The following NFATC1 variants were observed in gnomAD, a reference collection of about 807,000 sequenced individuals.
NFATC1 encodes the protein nuclear factor of activated T-cells, cytoplasmic 1.
In NFATC1, 22 loss-of-function variants were observed where a neutral mutation model predicts 76.0. The observed-to-expected ratio is 0.29, with a 90% CI of 0.21 to 0.41. NFATC1 has a LOEUF of 0.41. NFATC1 is among the 10% of genes least tolerant of loss of function. The probability of loss-of-function intolerance (pLI) is 1.00; values close to 1 mark genes in which losing one functional copy is unlikely to be tolerated. For synonymous variants in NFATC1, 704 were observed against 613.1 expected, an observed-to-expected ratio of 1.15 and a Z score of -2.19; for missense variants, 1,357 against 1,337.7, an observed-to-expected ratio of 1.01 and a Z score of -0.23.
rs578259722 is a variant in NFATC1 at position 79,441,529 on chromosome 18, G to A, written c.1387-7253G>A. ...CAGGCCACCCTGCCAGCTCCTTGAT[G>A]TGTCTCCCTGAGATCAGCCAGGGCA... On this transcript the variant is annotated intron_variant, in intron 3 of 9. Coordinates refer to ENST00000427363, the MANE Select transcript of NFATC1 (RefSeq NM_001278669.2). 6.1e-4 allele frequency among the ~76,000 whole-genome samples: 93 copies of A among 152,308 alleles called. 2 individuals carry two copies. The South Asian group carries it at 0.011, about 18-fold the overall frequency.
At chr18:79,404,137 T>G (rs2085356596) in intron 1 of NFATC1, among the ~76,000 whole-genome samples, 1 of 152,232 alleles carries the variant, frequency 6.6e-6, no homozygotes, top group Non-Finnish European at 1.5e-5. Flanking sequence ...TCAAAAAGGA[T>G]GCTTTAAAAT....
At chr18:79,443,761 C>G (rs1019677486) in intron 3 of NFATC1, among the ~76,000 whole-genome samples, 1 of 152,198 alleles carries the variant, frequency 6.6e-6, no homozygotes, top group Non-Finnish European at 1.5e-5. Flanking sequence ...TAGCCCTGGG[C>G]GGGTGTCCCG....
intron 9 of NFATC1, among the ~76,000 whole-genome samples, chr18:79,502,845 A>C (rs2090042741): frequency 6.6e-6 from 1 of 152,242 alleles, no homozygotes; most frequent in Non-Finnish European, 1.5e-5. Context: ...GACGAGGAGA[A>C]ATTGGGCCCC....
chr18:79,473,938 CATT>C (rs1248097028), intron 8 of NFATC1, among the ~76,000 whole-genome samples: 7 of 145,524 alleles, frequency 4.8e-5, no homozygotes, highest in African/African-American at 1.5e-4. Context: ...TCACTGTCGA[CATT>C]GTAAACCTGA....
At chr18:79,502,536 A>G (rs1011531533) in intron 9 of NFATC1, among the ~76,000 whole-genome samples, 1 of 152,266 alleles carries the variant, frequency 6.6e-6, no homozygotes, top group Admixed American at 6.5e-5. Flanking sequence ...AAATGAAAAG[A>G]TAAGCAATAG....
At chr18:79,464,678 A>ATACACACATG (rs1568994582) in intron 7 of NFATC1, among the ~76,000 whole-genome samples, 1 of 77,072 alleles carries the variant, frequency 1.3e-5, no homozygotes, top group African/African-American at 5.1e-5. Context: ...GTGTATATGT[A>ATACACACATG]TGTGTATATA....
At chr18:79,403,052 G>A (rs1306372776) in intron 1 of NFATC1, among the ~76,000 whole-genome samples, 1 of 152,252 alleles carries the variant, frequency 6.6e-6, no homozygotes, top group Non-Finnish European at 1.5e-5. Flanking sequence ...TCTGTCAGCC[G>A]GATCCCCTGA....
At chr18:79,422,982 G>A (rs1014112581) in intron 2 of NFATC1, among the ~76,000 whole-genome samples, 9 of 151,756 alleles carry the variant, frequency 5.9e-5, no homozygotes, top group Non-Finnish European at 7.4e-5. Flanking sequence ...CCCATCCGGG[G>A]CAGGGCAGGG....
At chr18:79,401,661 G>A (rs939267525) in intron 1 of NFATC1, among the ~76,000 whole-genome samples, 9 of 152,338 alleles carry the variant, frequency 5.9e-5, no homozygotes, top group Admixed American at 3.3e-4. Context: ...CGAGAGTGTC[G>A]CCCCACTCCC....
chr18:79,501,338 CA>C (rs1257159044), intron 9 of NFATC1, among the ~76,000 whole-genome samples: 1 of 152,070 alleles, frequency 6.6e-6, no homozygotes, highest in Non-Finnish European at 1.5e-5. Context: ...TTAACCTGAT[CA>C]AAGTCATACA....
intron 3 of NFATC1, among the ~76,000 whole-genome samples, chr18:79,446,220 A>G (rs1320337566): frequency 6.6e-6 from 1 of 152,160 alleles, no homozygotes; most frequent in Non-Finnish European, 1.5e-5. Flanking sequence ...TCCCAGGTGA[A>G]ACCTTAAATA....
At chr18:79,484,908 G>GAGCTGCAGGAAAACGCCGTCTCC in intron 8 of NFATC1, among the ~76,000 whole-genome samples, 1 of 152,356 alleles carries the variant, frequency 6.6e-6, no homozygotes, top group Admixed American at 6.5e-5. Flanking sequence ...CCGGCGTCTC[G>GAGCTGCAGGAAAACGCCGTCTCC]AGCTGCAGGA....
At chr18:79,466,264 ATAAT>A (rs1374363749) in intron 7 of NFATC1, among the ~76,000 whole-genome samples, 4 of 152,246 alleles carry the variant, frequency 2.6e-5, no homozygotes, top group East Asian at 1.9e-4. Flanking sequence ...GTGCTGAGCT[ATAAT>A]TAATTATTTT....
chr18:79,479,473 G>A (rs1201600794), intron 8 of NFATC1, among the ~76,000 whole-genome samples: 2 of 152,232 alleles, frequency 1.3e-5, no homozygotes, highest in African/African-American at 2.4e-5. Context: ...TACAGAGCAG[G>A]CATCCATCTT....
intron 1 of NFATC1, among the ~76,000 whole-genome samples, chr18:79,404,538 C>T (rs951314790): frequency 6.6e-6 from 1 of 152,252 alleles, no homozygotes; most frequent in East Asian, 1.9e-4. Flanking sequence ...TCACCCACAG[C>T]AGACTCCGTG....
At chr18:79,432,662 G>A (rs1336847234) in intron 2 of NFATC1, among the ~76,000 whole-genome samples, 2 of 152,248 alleles carry the variant, frequency 1.3e-5, no homozygotes, top group African/African-American at 2.4e-5. Flanking sequence ...TGCACAGGGT[G>A]GAAGGTGGTG....
At chr18:79,425,527 A>G (rs2086296266) in intron 2 of NFATC1, among the ~76,000 whole-genome samples, 1 of 152,232 alleles carries the variant, frequency 6.6e-6, no homozygotes, top group African/African-American at 2.4e-5. Flanking sequence ...TCACCTAAGC[A>G]ATGAGCACGT....
At chr18:79,507,875 C>T (rs920475297) in intron 9 of NFATC1, among the ~76,000 whole-genome samples, 4 of 152,356 alleles carry the variant, frequency 2.6e-5, no homozygotes, top group Admixed American at 1.3e-4. Flanking sequence ...ACGTCCGTCA[C>T]GTGGCCACCG....
At chr18:79,449,011 T>G (rs754238400) in intron 4 of NFATC1, 27 bp downstream of exon 4, 28 of 1,608,220 alleles carry the variant, frequency 1.7e-5, no homozygotes, top group Non-Finnish European at 2.3e-5. Context: ...CTCCGGCCTC[T>G]GGCAGGGGGC....
Sources: allele counts gnomAD v4.1 joint callset (sites outside exome capture counted in the v4.1 genomes callset), GRCh38; gene constraint gnomAD v4.1.1; transcripts MANE v1.5; gene names NCBI Gene and HGNC (gene_info 2026-07-23, HGNC 2026-07-21).